The following HELLS variants were observed in gnomAD, a reference collection of about 807,000 sequenced individuals.
HELLS encodes lymphoid-specific helicase.
Under a neutral mutation model 120.0 loss-of-function variants are expected in HELLS, and 32 were observed. The ratio of observed to expected loss-of-function variants is 0.27; its 90% CI spans 0.20 to 0.36. The LOEUF is 0.36. Ranked by LOEUF, HELLS falls within the 10% of genes least tolerant of loss-of-function variation. The pLI is 1.00. For missense variants in HELLS, 650 were observed against 993.4 expected (o/e 0.65, Z 4.65); for synonymous variants, 341 against 323.4 (o/e 1.05, Z -0.58).
chr10:94,551,771 G>A (rs1252775612), intron 2 of HELLS, among the ~76,000 whole-genome samples: 6 of 148,804 alleles, frequency 4.0e-5, no homozygotes, highest in Admixed American at 1.3e-4. Context: ...ATGGAGTCTC[G>A]CTCTGTTGCC....
downstream of HELLS, among the ~76,000 whole-genome samples, chr10:94,604,134 T>G (rs1308733420): frequency 6.6e-6 from 1 of 151,616 alleles, no homozygotes; most frequent in Non-Finnish European, 1.5e-5. Context: ...CTTTTTTTTT[T>G]TTTTTTTTTA....
At chr10:94,554,419 G>A (rs1045322167) in intron 3 of HELLS, among the ~76,000 whole-genome samples, 171 bp downstream of exon 3, 4 of 152,152 alleles carry the variant, frequency 2.6e-5, no homozygotes, top group African/African-American at 7.2e-5. Flanking sequence ...AAGATACAGT[G>A]CACTTCCATG....
At chr10:94,568,367 T>C (rs1348341902) in intron 6 of HELLS, among the ~76,000 whole-genome samples, 2 of 152,198 alleles carry the variant, frequency 1.3e-5, no homozygotes, top group Non-Finnish European at 2.9e-5. Context: ...AATCTTGCTC[T>C]TTTGTTTTCT....
intron 4 of HELLS, among the ~76,000 whole-genome samples, chr10:94,560,152 C>G (rs1396755280): frequency 6.6e-5 from 10 of 152,134 alleles, no homozygotes; most frequent in Admixed American, 6.5e-4. Flanking sequence ...CTGCCTCAGC[C>G]TCCCAAGTAG....
chr10:94,550,001 A>G (rs1178469552), intron 2 of HELLS, among the ~76,000 whole-genome samples: 2 of 152,036 alleles, frequency 1.3e-5, no homozygotes, highest in Non-Finnish European at 2.9e-5. Flanking sequence ...GCTCACTGCA[A>G]CCTCTGCCTC....
intron 6 of HELLS, among the ~76,000 whole-genome samples, chr10:94,566,052 C>A (rs1195015009): frequency 1.3e-5 from 2 of 152,052 alleles, no homozygotes; most frequent in African/African-American, 2.4e-5. Context: ...GCCACCAGGC[C>A]TGGCTGATTT....
chr10:94,576,562 A>T (rs1450849057), intron 9 of HELLS, 100 bp from the exon 10 acceptor site: 7 of 631,592 alleles, frequency 1.1e-5, no homozygotes, highest in Middle Eastern at 9.6e-4. Context: ...AAAATTTTTT[A>T]AAATTATATT....
chr10:94,558,091 T>A (rs1237178288), intron 3 of HELLS, 48 bp from the exon 4 acceptor site: 19 of 1,540,270 alleles, frequency 1.2e-5, no homozygotes, highest in Non-Finnish European at 1.5e-5. Context: ...GTTTTTTTTT[T>A]AAATGTTGCA....
intron 2 of HELLS, among the ~76,000 whole-genome samples, chr10:94,553,641 C>T (rs574241326): frequency 1.1e-4 from 17 of 150,700 alleles, no homozygotes; most frequent in Admixed American, 4.6e-4. Flanking sequence ...CTGCCTCCCC[C>T]GGGTTCAAGC....
intron 3 of HELLS, among the ~76,000 whole-genome samples, chr10:94,555,320 C>T (rs1243351249): frequency 6.6e-6 from 1 of 151,988 alleles, no homozygotes; most frequent in South Asian, 2.1e-4. Flanking sequence ...GCCTGTAAGC[C>T]CAGCTACTCA....
intron 19 of HELLS, 52 bp downstream of exon 19, chr10:94,594,906 G>T (rs1278505626): frequency 7.3e-7 from 1 of 1,372,074 alleles, no homozygotes; most frequent in South Asian, 1.3e-5. Context: ...ATTGTGTGTT[G>T]TGGATTTTGT....
chr10:94,582,384 G>A (rs117179967), intron 11 of HELLS, among the ~76,000 whole-genome samples: 47 of 152,114 alleles, frequency 3.1e-4, no homozygotes, highest in South Asian at 1.5e-3. Flanking sequence ...TCCAAGTTTG[G>A]GAACTTCTAG....
chr10:94,602,239 G>C (rs1359515727), downstream of HELLS: 1 of 152,102 alleles, frequency 6.6e-6, no homozygotes, highest in Non-Finnish European at 1.5e-5. Flanking sequence ...ATTTCAAGTG[G>C]ACATTGTGTT....
chr10:94,608,252 A>G (rs1198281750), intron 9 of HELLS, among the ~76,000 whole-genome samples: 1 of 152,242 alleles, frequency 6.6e-6, no homozygotes, highest in Non-Finnish European at 1.5e-5. Flanking sequence ...AGGTCTAAAG[A>G]CAGTATGAAC....
chr10:94,574,455 C>T (rs1003785238), intron 8 of HELLS, 99 bp from the exon 9 acceptor site: 13 of 926,406 alleles, frequency 1.4e-5, no homozygotes, highest in Admixed American at 2.1e-5. Flanking sequence ...ACATAATTCT[C>T]ATCTTTGGGT....
intron 6 of HELLS, among the ~76,000 whole-genome samples, chr10:94,564,656 G>C (rs890254453): frequency 2.0e-5 from 3 of 151,766 alleles, no homozygotes; most frequent in Non-Finnish European, 2.9e-5. Context: ...CTGTCCCTCA[G>C]GCTGGAGTGC....
chr10:94,603,176 A>G (rs541210175), downstream of HELLS, among the ~76,000 whole-genome samples: 1 of 152,268 alleles, frequency 6.6e-6, no homozygotes, highest in South Asian at 2.1e-4. Context: ...TTTTATAACA[A>G]AGCTCCTTGA....
chr10:94,562,847 T>C lies in HELLS; in HGVS notation c.406T>C (p.Tyr136His). ...RKKRGREDES[Y>H]NISEVMSKEE... is the part of the protein sequence containing the mutation. Reference sequence around the variant, plus strand: ...AAAAAGAGGAAGAGAAGATGAATCATACAATATTTCAGAGGTCATGTCAAA... The same window carrying C: ...AAAAAGAGGAAGAGAAGATGAATCACACAATATTTCAGAGGTCATGTCAAA... Residue 136 changes from tyrosine to histidine, a missense_variant, in exon 6 of 22, where the codon TAC becomes CAC. By Grantham distance (83) the Tyr-to-His change is moderately conservative. Around this residue, in one of 9 missense-constraint regions of HELLS, gnomAD observed 113 missense variants for 120.7 expected, o/e 0.94. Transcript: ENST00000348459. The C allele has an allele frequency of 6.3e-7, 1 of 1,580,208 alleles. No individual in the cohort carries two copies. Among genetic ancestry groups the C allele is most frequent in the Non-Finnish European group, 8.7e-7 (1 of 1,155,972 alleles).
chr10:94,558,632 C>T (rs898807957), intron 4 of HELLS, among the ~76,000 whole-genome samples: 22 of 151,740 alleles, frequency 1.4e-4, no homozygotes, highest in Non-Finnish European at 2.8e-4. Context: ...GACGGGGACT[C>T]GCTCTGTCAC....
Sources: allele counts gnomAD v4.1 joint callset (sites outside exome capture counted in the v4.1 genomes callset), GRCh38; gene constraint gnomAD v4.1.1; regional missense constraint gnomAD v4.1.1; transcripts MANE v1.5; gene names NCBI Gene and HGNC (gene_info 2026-07-23, HGNC 2026-07-21).